The following SLC15A5 variants were observed in gnomAD, a reference collection of about 807,000 sequenced individuals.
SLC15A5 encodes Peptide/histidine transporter ENSP00000340402.
Under a neutral mutation model 56.1 loss-of-function variants are expected in SLC15A5, and 58 were observed. That is an observed-to-expected ratio of 1.03 (90% CI 0.84 to 1.29). The LOEUF is 1.29. Ranked by LOEUF, SLC15A5 falls within the 50% of genes most tolerant of loss-of-function variation. SLC15A5 has a pLI of 0.00. For missense variants in SLC15A5, 681 were observed against 672.1 expected (o/e 1.01, Z -0.15); for synonymous variants, 264 against 250.5 (o/e 1.05, Z -0.51).
chr12:16,252,041 A>G (rs936959272), intron 3 of SLC15A5, among the ~76,000 whole-genome samples: 1 of 152,110 alleles, frequency 6.6e-6, no homozygotes, highest in Admixed American at 6.6e-5. Context: ...CATCACATTA[A>G]CAAAATGAAG....
chr12:16,214,446 G>A (rs985257900), intron 7 of SLC15A5, among the ~76,000 whole-genome samples: 11 of 152,238 alleles, frequency 7.2e-5, no homozygotes, highest in African/African-American at 2.4e-4. Context: ...GGAATGGAGA[G>A]TGGGCAGCCA....
chr12:16,275,031 C>T (rs772407045), intron 1 of SLC15A5, among the ~76,000 whole-genome samples: 66 of 152,046 alleles, frequency 4.3e-4, no homozygotes, highest in Non-Finnish European at 7.8e-4. Context: ...GTCATACCCC[C>T]TGCCAGGTGA....
intron 2 of SLC15A5, among the ~76,000 whole-genome samples, chr12:16,259,905 G>GGGGC (rs1555173564): frequency 1.4e-5 from 2 of 146,406 alleles, no homozygotes; most frequent in African/African-American, 4.9e-5. Context: ...CCCGGGCGGG[G>GGGGC]GGTAAGTTAG....
intron 2 of SLC15A5, among the ~76,000 whole-genome samples, chr12:16,270,712 A>C (rs1047768342): frequency 2.6e-5 from 4 of 152,170 alleles, no homozygotes; most frequent in Non-Finnish European, 4.4e-5. Context: ...TAAAACTCCT[A>C]AGTGACAGAG....
rs1864348249 is a variant in SLC15A5, at chr12:16,235,934, A to T, written c.1162+3747T>A. Among the ~76,000 whole-genome samples, 1 of 152,182 alleles carries T rather than the reference A, an allele frequency of 6.6e-6. No homozygotes were observed. Among genetic ancestry groups the T allele is most frequent in the Non-Finnish European group, 1.5e-5 (1 of 67,998 alleles). ...GACCTACACTGACTGTGACTATATC[A>T]TAAAAGACTTTTAGCTGGAACTTGA... On this transcript the variant is annotated intron_variant, in intron 5 of 8. Transcript: ENST00000344941. The surrounding 1 kb of genome is among the most constrained non-coding windows in gnomAD (Gnocchi z 4.1).
At chr12:16,232,931 AAGAG>A (rs561044359) in intron 5 of SLC15A5, among the ~76,000 whole-genome samples, 52 of 150,662 alleles carry the variant, frequency 3.5e-4, no homozygotes, top group African/African-American at 1.0e-3. Flanking sequence ...GAAAAAAAGA[AAGAG>A]AGAGAGAGAG....
chr12:16,256,950 A>ATAGATAGTTAGT (rs1166047909), intron 3 of SLC15A5, among the ~76,000 whole-genome samples: 3 of 142,230 alleles, frequency 2.1e-5, no homozygotes, highest in African/African-American at 7.7e-5. Context: ...AGATAGATAG[A>ATAGATAGTTAGT]TAGTTTCTGG....
chr12:16,259,288 CT>C (rs1864615653), intron 2 of SLC15A5, among the ~76,000 whole-genome samples: 2 of 151,270 alleles, frequency 1.3e-5, no homozygotes, highest in Non-Finnish European at 1.5e-5. Context: ...CTTCTCTCCC[CT>C]CCCCTTTTCT....
intron 3 of SLC15A5, among the ~76,000 whole-genome samples, chr12:16,254,254 T>A (rs1004159804): frequency 6.6e-6 from 1 of 151,958 alleles, no homozygotes; most frequent in Admixed American, 6.6e-5. Context: ...ATGATTCCAC[T>A]CATATGAAGT....
intron 7 of SLC15A5, among the ~76,000 whole-genome samples, chr12:16,201,725 A>C (rs1004520741): frequency 3.3e-5 from 5 of 152,148 alleles, no homozygotes; most frequent in Non-Finnish European, 5.9e-5. Flanking sequence ...TTCACCTTTC[A>C]CCACAATTGT....
intron 7 of SLC15A5, among the ~76,000 whole-genome samples, chr12:16,216,609 G>A (rs1385647281): frequency 2.0e-5 from 3 of 151,994 alleles, no homozygotes; most frequent in African/African-American, 4.8e-5. Context: ...ATTGCATATG[G>A]TCTCACTGAA....
intron 3 of SLC15A5, among the ~76,000 whole-genome samples, chr12:16,255,542 T>C (rs901065876): frequency 2.6e-5 from 4 of 152,060 alleles, no homozygotes; most frequent in African/African-American, 9.7e-5. Flanking sequence ...TTTGGCAACA[T>C]ATAGAAAAAT....
Position 16,244,800 on chromosome 12 carries a change from C to A in SLC15A5, c.755G>T (p.Arg252Leu), listed in dbSNP as rs1852450. The A allele has an allele frequency of 0.45, 690,831 of 1,535,732 alleles. 157,467 individuals carry two copies. Among genetic ancestry groups the A allele is most frequent in the South Asian group, 0.61 (50,956 of 84,010 alleles). The change falls in exon 4 of 9, where the codon CGT becomes CTT. Residue 252 changes from arginine to leucine, a missense_variant and splice_region_variant. Transcript: ENST00000344941. Reference protein sequence around the residue: ...YYNLIYQSEKRCSLLTGVGVL... With the variant: ...YYNLIYQSEKLCSLLTGVGVL... ...CCCAACGCCTGTCAGGAGAGAACAACCTGCAAGTAATCGGAGATATTATGT... is the reference window on the plus strand; with the variant it reads ...CCCAACGCCTGTCAGGAGAGAACAAACTGCAAGTAATCGGAGATATTATGT...
intron 2 of SLC15A5, among the ~76,000 whole-genome samples, chr12:16,259,902 G>GGGGGC (rs1864625816): frequency 2.0e-5 from 3 of 150,100 alleles, no homozygotes; most frequent in African/African-American, 7.3e-5. Context: ...CCACCCGGGC[G>GGGGGC]GGGGGTAAGT....
At chr12:16,207,920 T>C (rs1446002823) in intron 7 of SLC15A5, among the ~76,000 whole-genome samples, 1 of 152,194 alleles carries the variant, frequency 6.6e-6, no homozygotes, top group East Asian at 1.9e-4. Context: ...CCCAAAATGC[T>C]GGGATTACAG....
intron 3 of SLC15A5, among the ~76,000 whole-genome samples, chr12:16,250,679 T>C (rs1864511058): frequency 6.6e-6 from 1 of 151,722 alleles, no homozygotes; most frequent in Admixed American, 6.6e-5. Flanking sequence ...GGTAATAATA[T>C]GGAAAAAAGA....
chr12:16,263,569 C>T (rs1183580349), intron 2 of SLC15A5, among the ~76,000 whole-genome samples: 1 of 152,118 alleles, frequency 6.6e-6, no homozygotes, highest in Non-Finnish European at 1.5e-5. Flanking sequence ...ATGTTAATCC[C>T]CAAGACAATG....
intron 5 of SLC15A5, among the ~76,000 whole-genome samples, chr12:16,234,381 T>C (rs994639157): frequency 1.1e-4 from 17 of 152,176 alleles, no homozygotes; most frequent in Admixed American, 3.3e-4. Context: ...TTTTAGAGTA[T>C]TTAAGGATCT....
intron 7 of SLC15A5, among the ~76,000 whole-genome samples, chr12:16,205,567 GAAGGGAAAGGTGCATATAT>G (rs1864009131): frequency 4.4e-4 from 1 of 2,278 alleles, no homozygotes; most frequent in Admixed American, 6.2e-3. Flanking sequence ...TATTCCATAA[GAAGGGAAAGGTGCATATAT>G]ATATACATAT....
Sources: gnomAD v4.1 joint callset for allele counts (sites outside exome capture counted in the v4.1 genomes callset) on GRCh38, gnomAD v4.1.1 for gene constraint, Gnocchi (gnomAD v3.1) non-coding constraint, MANE v1.5 for transcripts, NCBI Gene and HGNC (gene_info 2026-07-23, HGNC 2026-07-21) for gene names.